TMCO4: variants seen among roughly 807,000 people sequenced by gnomAD.
TMCO4 encodes the protein transmembrane and coiled-coil domains 4.
Under a neutral mutation model 64.7 loss-of-function variants are expected in TMCO4, and 58 were observed. That is an observed-to-expected ratio of 0.90 (90% confidence interval 0.73 to 1.12). TMCO4 has a LOEUF of 1.12. TMCO4 is among the 50% of genes most tolerant of loss of function. The pLI, the probability that TMCO4 is intolerant of heterozygous loss-of-function variation, is 0.00. For synonymous variants in TMCO4, 325 were observed against 346.1 expected, an observed-to-expected ratio of 0.94 and a Z score of 0.68; for missense variants, 780 against 825.9, an observed-to-expected ratio of 0.94 and a Z score of 0.68.
At position 19,771,331 on chromosome 1, in the gene TMCO4, C is replaced by T. The variant is rs753890174; in HGVS notation, c.331G>A (p.Asp111Asn). ...QILLKDPILK[D>N]DPTVITQDLL... ...ACCTGAGTGATCACCGTCGGGTCGT[C>T]CTTCAAGATGGGGTCCTTCAGTAAA... is the stretch of plus-strand genomic sequence containing the variant. The change falls in exon 5 of 16, where the codon GAC becomes AAC. Residue 111 changes from aspartate to asparagine, a missense_variant. Coordinates refer to ENST00000294543, the MANE Select transcript of TMCO4 (RefSeq NM_181719.7). The T allele has an allele frequency of 3.1e-6, 5 of 1,614,074 alleles. No homozygotes were observed. The highest frequency in any genetic ancestry group is 1.7e-5 in the Admixed American group (1 of 60,012).
At chr1:19,692,704 G>A (rs146294876) in intron 15 of TMCO4, among the ~76,000 whole-genome samples, 11 of 151,884 alleles carry the variant, frequency 7.2e-5, no homozygotes, top group Middle Eastern at 3.4e-3. Context: ...CCGAGATCGC[G>A]CCATTGCACT....
chr1:19,790,742 C>T (rs966940629), intron 2 of TMCO4, among the ~76,000 whole-genome samples: 8 of 152,178 alleles, frequency 5.3e-5, no homozygotes, highest in Non-Finnish European at 7.3e-5. Flanking sequence ...TTGTCGAAGA[C>T]GGTGTGGCGA....
chr1:19,746,665 C>T lies in TMCO4; in HGVS notation c.614-66G>A, dbSNP rs916396410. 1.3e-5 allele frequency: 20 copies of T among 1,537,688 alleles called. No individual in the cohort carries two copies. In the Admixed American group the frequency reaches 3.9e-4, roughly 30 times the overall value. ...GGTGGCTGGACGCGGTGGCTCACGC[C>T]TGTAATCCCAGCACTTTGGGAGGCC... On this transcript the variant is annotated intron_variant, in intron 8 of 15. Transcript: ENST00000294543.
chr1:19,746,324 A>G, intron 9 of TMCO4, 132 bp downstream of exon 9: 1 of 1,366,746 alleles, frequency 7.3e-7, no homozygotes, highest in Non-Finnish European at 1.0e-6. Flanking sequence ...GCTGGGACCC[A>G]GAGTGAGAAA....
intron 13 of TMCO4, among the ~76,000 whole-genome samples, chr1:19,721,444 T>C (rs942223064): frequency 1.2e-4 from 19 of 152,144 alleles, no homozygotes; most frequent in Admixed American, 3.9e-4. Context: ...CACTGTCTCC[T>C]GTGAGTTTTC....
At chr1:19,731,847 A>G (rs1215261524) in intron 13 of TMCO4, among the ~76,000 whole-genome samples, 1 of 152,198 alleles carries the variant, frequency 6.6e-6, no homozygotes, top group Non-Finnish European at 1.5e-5. Flanking sequence ...TCTCGGGATC[A>G]GGACCTTTCT....
At chr1:19,701,985 T>G (rs1262807757) in intron 13 of TMCO4, among the ~76,000 whole-genome samples, 1 of 152,080 alleles carries the variant, frequency 6.6e-6, no homozygotes, top group Admixed American at 6.6e-5. Flanking sequence ...TATTTATTTC[T>G]TTGAGACAGA....
chr1:19,789,603 GA>G (rs1042853134), intron 2 of TMCO4, among the ~76,000 whole-genome samples: 1 of 151,828 alleles, frequency 6.6e-6, no homozygotes, highest in Non-Finnish European at 1.5e-5. Flanking sequence ...TTATAATGTA[GA>G]AAAAAACCCT....
intron 2 of TMCO4, among the ~76,000 whole-genome samples, chr1:19,788,037 G>A (rs1023742572): frequency 2.0e-5 from 3 of 152,106 alleles, no homozygotes; most frequent in African/African-American, 4.8e-5. Flanking sequence ...GATTACAGGC[G>A]TGAGCCACTG....
chr1:19,780,558 A>G (rs751663968), intron 4 of TMCO4, 22 bp downstream of exon 4: 17 of 1,564,216 alleles, frequency 1.1e-5, no homozygotes, highest in Non-Finnish European at 6.1e-6. Flanking sequence ...TGACCTTCCC[A>G]CTGCAAGACA....
chr1:19,759,407 G>T (rs1364848455), intron 6 of TMCO4, among the ~76,000 whole-genome samples: 1 of 152,080 alleles, frequency 6.6e-6, no homozygotes, highest in African/African-American at 2.4e-5. Context: ...TCATCAATCC[G>T]GTCATGTTCT....
At chr1:19,768,602 CT>C (rs1340252213) in intron 6 of TMCO4, among the ~76,000 whole-genome samples, 3 of 152,208 alleles carry the variant, frequency 2.0e-5, no homozygotes, top group Non-Finnish European at 4.4e-5. Context: ...CTGGCTGTCT[CT>C]GCTACATAAA....
chr1:19,781,475 A>AC (rs1040586575), intron 3 of TMCO4, among the ~76,000 whole-genome samples: 1 of 151,632 alleles, frequency 6.6e-6, no homozygotes, highest in African/African-American at 2.4e-5. Context: ...AAAAAAAAAA[A>AC]AACCCAATAG....
In TMCO4 at chr1:19,682,926, A is replaced by T; in HGVS notation, c.*114T>A. 7.5e-7 allele frequency: 1 copy of T among 1,327,540 alleles called. No individual in the cohort carries two copies. Among genetic ancestry groups the T allele is most frequent in the Non-Finnish European group, 1.0e-6 (1 of 962,094 alleles). 82.2% of individuals were successfully genotyped at this position (1,327,540 alleles called of 1,614,324 possible). ...CTTTCAGTTCCAATTCCTTCCATTT[A>T]GGAAAGAGGCCTGTGGAAATCCTGT... On this transcript the variant is annotated 3_prime_UTR_variant, in exon 16 of 16. Transcript: ENST00000294543.
rs560018990 is a variant in TMCO4 at position 19,734,725 on chromosome 1, G to A, written c.1264+2647C>T. Reference sequence around the variant, plus strand: ...AATGCCCTGCCCTAGTCCAGCTGCCGTCTGCCAAATACAGCATAGTGGTTA... The same window carrying A: ...AATGCCCTGCCCTAGTCCAGCTGCCATCTGCCAAATACAGCATAGTGGTTA... On this transcript the variant is annotated intron_variant, in intron 13 of 15. Coordinates refer to ENST00000294543, the MANE Select transcript of TMCO4 (RefSeq NM_181719.7). The surrounding 1 kb of genome is among the most constrained non-coding windows in gnomAD (Gnocchi z 4.4). Among the ~76,000 whole-genome samples the A allele has an allele frequency of 6.6e-5, 10 of 152,222 alleles. No homozygotes were observed. The highest frequency in any genetic ancestry group is 2.1e-4 in the South Asian group (1 of 4,826).
chr1:19,734,370 A>G lies in TMCO4; in HGVS notation c.1264+3002T>C, dbSNP rs568150588. 2.6e-5 allele frequency among the ~76,000 whole-genome samples: 4 copies of G among 152,114 alleles called. No homozygotes were observed. The South Asian group carries it at 8.3e-4, about 32-fold the overall frequency. ...TGAGTGTGTGCAGATGCGTGTATGA[A>G]TGTGTGCAGGTGTGTGTGTGAGTGT... On this transcript the variant is annotated intron_variant, in intron 13 of 15. Coordinates refer to ENST00000294543, the MANE Select transcript of TMCO4 (RefSeq NM_181719.7). The surrounding 1 kb of genome is among the most constrained non-coding windows in gnomAD (Gnocchi z 4.4).
chr1:19,736,653 T>G (rs1315075142), intron 13 of TMCO4, among the ~76,000 whole-genome samples: 1 of 152,170 alleles, frequency 6.6e-6, no homozygotes, highest in Non-Finnish European at 1.5e-5. Flanking sequence ...ACCAGCATTC[T>G]GCCCTGGAGA....
chr1:19,773,312 G>A (rs1213369115), intron 4 of TMCO4, among the ~76,000 whole-genome samples: 4 of 152,212 alleles, frequency 2.6e-5, no homozygotes, highest in Non-Finnish European at 5.9e-5. Context: ...ACCCTGGGGA[G>A]GGAAGGGAGG....
At chr1:19,706,181 A>G (rs1471960199) in intron 13 of TMCO4, among the ~76,000 whole-genome samples, 3 of 152,160 alleles carry the variant, frequency 2.0e-5, no homozygotes, top group Non-Finnish European at 4.4e-5. Flanking sequence ...TGGGATTTAT[A>G]AGAGTGAGCC....
Sources: allele counts gnomAD v4.1 joint callset (sites outside exome capture counted in the v4.1 genomes callset), GRCh38; gene constraint gnomAD v4.1.1; non-coding constraint Gnocchi (gnomAD v3.1); transcripts MANE v1.5; gene names NCBI Gene and HGNC (gene_info 2026-07-23, HGNC 2026-07-21).